Variants in ZBTB40 observed in about 807,000 individuals in gnomAD.
ZBTB40 encodes zinc finger and BTB domain-containing protein 40.
ZBTB40 carries 60 observed loss-of-function variants against 117.5 expected under a neutral mutation model. That is an observed-to-expected ratio of 0.51 (90% CI 0.41 to 0.63). The LOEUF is 0.63. Among genes scored for constraint, ZBTB40 ranks in the 30% least tolerant of loss-of-function variants. The probability of loss-of-function intolerance (pLI) is 0.00; values close to 1 mark genes in which losing one functional copy is unlikely to be tolerated. For missense variants in ZBTB40, 1,287 were observed against 1,498.5 expected, an observed-to-expected ratio of 0.86 and a Z score of 2.33; for synonymous variants, 525 against 577.1, an observed-to-expected ratio of 0.91 and a Z score of 1.29.
intron 1 of ZBTB40, among the ~76,000 whole-genome samples, chr1:22,437,274 C>T (rs1640681340): frequency 6.6e-6 from 1 of 152,008 alleles, no homozygotes; most frequent in South Asian, 2.1e-4. Flanking sequence ...GTAAGGAAAC[C>T]TGAATTGTGA....
At chr1:22,470,467 A>G (rs1280735272) in intron 1 of ZBTB40, among the ~76,000 whole-genome samples, 2 of 152,146 alleles carry the variant, frequency 1.3e-5, no homozygotes, top group Non-Finnish European at 2.9e-5. Flanking sequence ...GCCCAGAAGG[A>G]AGCTAGAAGG....
intron 16 of ZBTB40, 29 bp from the exon 17 acceptor site, chr1:22,524,189 C>T: frequency 6.2e-7 from 1 of 1,606,732 alleles, no homozygotes; most frequent in Non-Finnish European, 8.5e-7. Flanking sequence ...TTACCCACAG[C>T]CCTCCCCTTC....
chr1:22,500,497 C>T (rs965074104), intron 3 of ZBTB40, among the ~76,000 whole-genome samples: 1 of 152,144 alleles, frequency 6.6e-6, no homozygotes, highest in African/African-American at 2.4e-5. Flanking sequence ...TGAGACCAGT[C>T]GTAGGTGCTG....
At chr1:22,508,500 T>C in intron 7 of ZBTB40, 30 bp from the exon 8 acceptor site, 1 of 1,613,468 alleles carries the variant, frequency 6.2e-7, no homozygotes, top group Non-Finnish European at 8.5e-7. Flanking sequence ...GGAGAGTCTC[T>C]TACGTGAGTG....
In ZBTB40 at chr1:22,526,345, G is replaced by T; in HGVS notation, c.3669G>T (p.Val1223=). Residue 1223 remains valine (V), a synonymous_variant, in exon 18 of 18, where the codon GTG becomes GTT. Transcript: ENST00000375647. ...QASSELVAVT[V]EDLLDGTVTL... ...GCTCTGAGCTCGTGGCGGTGACTGT[G>T]GAGGACTTGCTGGATGGCACAGTGA... is the stretch of plus-strand genomic sequence containing the variant. 1 of 1,614,210 alleles carries T rather than the reference G, an allele frequency of 6.2e-7. No individual in the cohort carries two copies. Among genetic ancestry groups the T allele is most frequent in the Admixed American group, 1.7e-5 (1 of 60,028 alleles).
chr1:22,526,123 G>A, intron 17 of ZBTB40, 79 bp from the exon 18 acceptor site: 1 of 1,509,670 alleles, frequency 6.6e-7, no homozygotes, highest in Non-Finnish European at 9.2e-7. Flanking sequence ...CATCATTACA[G>A]CATGAGATGA....
chr1:22,502,963 G>C (rs945008530), intron 5 of ZBTB40, among the ~76,000 whole-genome samples: 6 of 152,148 alleles, frequency 3.9e-5, no homozygotes, highest in Non-Finnish European at 7.3e-5. Flanking sequence ...ACAGGCTGAA[G>C]CATGTGTTCC....
At chr1:22,517,669 T>G (rs1174041682) in intron 13 of ZBTB40, 1 of 627,990 alleles carries the variant, frequency 1.6e-6, no homozygotes, top group East Asian at 2.9e-5. Flanking sequence ...CTTATTTCTC[T>G]CTGGCCAGGC....
In ZBTB40 at chr1:22,499,500, A is replaced by G. The variant is rs1382293510; in HGVS notation, c.832-1992A>G. ...GGCATTTTAAAGAGATTTCAAGTCAACTAACAAAAGCATGAAAAGTTGATT... is the reference window on the plus strand; with the variant it reads ...GGCATTTTAAAGAGATTTCAAGTCAGCTAACAAAAGCATGAAAAGTTGATT... On this transcript the variant is annotated intron_variant, in intron 3 of 17. Transcript: ENST00000375647. Among the ~76,000 whole-genome samples, 3 of 152,236 alleles carry G rather than the reference A, an allele frequency of 2.0e-5. No homozygotes were observed. In the East Asian group the frequency reaches 5.8e-4, roughly 29 times the overall value.
intron 3 of ZBTB40, 85 bp from the exon 4 acceptor site, chr1:22,501,407 G>A: frequency 6.8e-7 from 1 of 1,468,540 alleles, no homozygotes; most frequent in Non-Finnish European, 9.5e-7. Flanking sequence ...GAATCAAACT[G>A]TTGAGGACCT....
chr1:22,506,629 T>C (rs1639083613), intron 6 of ZBTB40, among the ~76,000 whole-genome samples: 1 of 152,232 alleles, frequency 6.6e-6, no homozygotes, highest in Non-Finnish European at 1.5e-5. Context: ...ACTAGAGTGC[T>C]GTTTGCTTCC....
At chr1:22,516,593 C>T (rs1285815649) in intron 12 of ZBTB40, among the ~76,000 whole-genome samples, 1 of 152,158 alleles carries the variant, frequency 6.6e-6, no homozygotes, top group African/African-American at 2.4e-5. Flanking sequence ...TACATAAACA[C>T]TGAAAATGAG....
upstream of ZBTB40, among the ~76,000 whole-genome samples, chr1:22,448,627 CTCTAAG>C (rs1250423448): frequency 1.3e-5 from 2 of 152,092 alleles, no homozygotes; most frequent in Non-Finnish European, 2.9e-5. Flanking sequence ...TATTTACGCC[CTCTAAG>C]TCTGTTTCCT....
chr1:22,437,142 A>G (rs145492008), intron 1 of ZBTB40, among the ~76,000 whole-genome samples: 7 of 152,340 alleles, frequency 4.6e-5, no homozygotes, highest in Non-Finnish European at 8.8e-5. Flanking sequence ...AACAACCCTT[A>G]GATTTGTAGA....
At chr1:22,431,268 AAT>A (rs1640579114) in intron 1 of ZBTB40, among the ~76,000 whole-genome samples, 1 of 146,264 alleles carries the variant, frequency 6.8e-6, no homozygotes, top group Non-Finnish European at 1.5e-5. Flanking sequence ...GTATATATTG[AAT>A]ATATACAATA....
chr1:22,481,694 T>G (rs1328470513), intron 1 of ZBTB40, among the ~76,000 whole-genome samples: 1 of 151,118 alleles, frequency 6.6e-6, no homozygotes, highest in African/African-American at 2.4e-5. Flanking sequence ...AGTCACTTGT[T>G]TCTTACTAAT....
At chr1:22,457,842 C>T (rs1934482) in intron 1 of ZBTB40, among the ~76,000 whole-genome samples, 44,535 of 152,114 alleles carry the variant, frequency 0.29, 7,464 homozygotes, top group Non-Finnish European at 0.38. Flanking sequence ...CTTTCTAGGA[C>T]TGGGGCCTGA....
chr1:22,496,885 G>A (rs1638791737), intron 3 of ZBTB40, among the ~76,000 whole-genome samples: 1 of 152,222 alleles, frequency 6.6e-6, no homozygotes, highest in Admixed American at 6.5e-5. Context: ...TCTGTACCTT[G>A]AGGAGCAAGG....
intron 3 of ZBTB40, 123 bp downstream of exon 3, chr1:22,491,656 T>G (rs1020246452): frequency 1.7e-6 from 2 of 1,175,990 alleles, no homozygotes; most frequent in African/African-American, 3.1e-5. Context: ...ATTTTTTTTT[T>G]TTTTTGGACA....
Sources: gnomAD v4.1 joint callset for allele counts (sites outside exome capture counted in the v4.1 genomes callset) on GRCh38, gnomAD v4.1.1 for gene constraint, MANE v1.5 for transcripts, NCBI Gene and HGNC (gene_info 2026-07-23, HGNC 2026-07-21) for gene names.